NRG3: variants seen among roughly 807,000 people sequenced by gnomAD.
The protein encoded by NRG3 is neuregulin 3.
In NRG3, 31 loss-of-function variants were observed where a neutral mutation model predicts 66.9. The ratio of observed to expected loss-of-function variants is 0.46; its 90% CI spans 0.35 to 0.63. NRG3 has a LOEUF of 0.63. Among genes scored for constraint, NRG3 ranks in the 20% least tolerant of loss-of-function variants. The pLI is 0.00. For synonymous variants in NRG3, 393 were observed against 359.4 expected, an observed-to-expected ratio of 1.09 and a Z score of -1.06; for missense variants, 910 against 878.9, an observed-to-expected ratio of 1.04 and a Z score of -0.45.
intron 1 of NRG3, among the ~76,000 whole-genome samples, chr10:82,211,073 A>G (rs1333547732): frequency 6.6e-6 from 1 of 152,184 alleles, no homozygotes; most frequent in Non-Finnish European, 1.5e-5. Flanking sequence ...GTTAATATTT[A>G]TTGGATTCCT....
At chr10:82,906,927 A>G (rs1844787695) in intron 4 of NRG3, among the ~76,000 whole-genome samples, 1 of 152,240 alleles carries the variant, frequency 6.6e-6, no homozygotes, top group African/African-American at 2.4e-5. Context: ...ATAAGGAAAT[A>G]AAGAATGGCT....
chr10:81,954,610 A>T (rs925936804), intron 1 of NRG3, among the ~76,000 whole-genome samples: 8 of 152,132 alleles, frequency 5.3e-5, no homozygotes, highest in Non-Finnish European at 8.8e-5. Context: ...GCTCCAAATC[A>T]GTCTGCTGCT....
rs2059604594 is a variant in NRG3, at chr10:81,963,380, G to A, written c.823+87217G>A. Among the ~76,000 whole-genome samples, 6 of 150,194 alleles carry A rather than the reference G, an allele frequency of 4.0e-5. No individual in the cohort carries two copies. In the South Asian group the frequency reaches 1.1e-3, roughly 26 times the overall value. On this transcript the variant is annotated intron_variant, in intron 1 of 8. Coordinates refer to ENST00000372141, the MANE Select transcript of NRG3 (RefSeq NM_001010848.4). Reference sequence around the variant, plus strand: ...GATCTCCTGACCTCGTGATCCGCCCGCCTCGGCCTCCCAAAGTGCTGGGAT... The same window carrying A: ...GATCTCCTGACCTCGTGATCCGCCCACCTCGGCCTCCCAAAGTGCTGGGAT...
rs578084916 is a variant in NRG3, at chr10:82,612,284, TCTTC to T, written c.954-126287_954-126284del. Among the ~76,000 whole-genome samples, 47 of 152,170 alleles carry T rather than the reference TCTTC, an allele frequency of 3.1e-4. 1 individual carries two copies. Among genetic ancestry groups the T allele is most frequent in the Non-Finnish European group, 7.4e-5 (5 of 68,024 alleles). ...ATTCTTAACGTTGTATGTCTTCCTT[TCTTC>T]CTTCCATCTTGCCTTCCTTCCCTCA... On this transcript the variant is annotated intron_variant, in intron 2 of 8. Transcript: ENST00000372141.
At chr10:82,161,179 G>A (rs1649952) in intron 1 of NRG3, among the ~76,000 whole-genome samples, 99,551 of 151,974 alleles carry the variant, frequency 0.66, 35,339 homozygotes, top group Non-Finnish European at 0.79. Flanking sequence ...AAGCCATTGA[G>A]CCTGGAGCCC....
intron 1 of NRG3, among the ~76,000 whole-genome samples, chr10:81,952,130 T>C (rs954346239): frequency 1.3e-5 from 2 of 152,120 alleles, no homozygotes; most frequent in Admixed American, 1.3e-4. Flanking sequence ...TTAGGAGATA[T>C]ACCTAATGTT....
At chr10:81,918,260 G>C (rs559109293) in intron 1 of NRG3, among the ~76,000 whole-genome samples, 1 of 152,204 alleles carries the variant, frequency 6.6e-6, no homozygotes, top group South Asian at 2.1e-4. Context: ...TGCATTTGTT[G>C]TATTTGGAAT....
At chr10:82,398,491 A>ATGTGTG (rs1164444421) in intron 2 of NRG3, among the ~76,000 whole-genome samples, 11 of 139,198 alleles carry the variant, frequency 7.9e-5, no homozygotes, top group East Asian at 2.1e-4. Context: ...GGCTTCGTGT[A>ATGTGTG]TGTGTGTGTG....
At chr10:82,361,385 G>C (rs573440651) in intron 2 of NRG3, among the ~76,000 whole-genome samples, 1 of 152,134 alleles carries the variant, frequency 6.6e-6, no homozygotes, top group Non-Finnish European at 1.5e-5. Flanking sequence ...TCTCCTACTG[G>C]TGTGTATGAA....
intron 3 of NRG3, among the ~76,000 whole-genome samples, chr10:82,806,402 G>C (rs2061284226): frequency 6.6e-6 from 1 of 152,080 alleles, no homozygotes; most frequent in African/African-American, 2.4e-5. Flanking sequence ...AGTTTTTGCT[G>C]TTTTTATAAA....
intron 2 of NRG3, among the ~76,000 whole-genome samples, chr10:82,512,250 A>G (rs911726516): frequency 2.6e-5 from 4 of 151,482 alleles, no homozygotes; most frequent in Admixed American, 2.0e-4. Context: ...ACATATACAC[A>G]TTCCATACAC....
chr10:82,332,937 A>G (rs1564805156), intron 1 of NRG3, among the ~76,000 whole-genome samples: 1 of 152,154 alleles, frequency 6.6e-6, no homozygotes, highest in Non-Finnish European at 1.5e-5. Context: ...CAATATCCTC[A>G]CCCTAACAAA....
intron 1 of NRG3, among the ~76,000 whole-genome samples, chr10:82,231,336 C>A (rs948201303): frequency 1.3e-5 from 2 of 151,604 alleles, no homozygotes; most frequent in African/African-American, 4.9e-5. Context: ...GTGACAAGAG[C>A]GAGACTCCGT....
At chr10:82,468,485 A>G (rs1224825994) in intron 2 of NRG3, among the ~76,000 whole-genome samples, 1 of 151,972 alleles carries the variant, frequency 6.6e-6, no homozygotes, top group Non-Finnish European at 1.5e-5. Context: ...ATTTTAAAAA[A>G]CAGTTATCAC....
intron 1 of NRG3, among the ~76,000 whole-genome samples, chr10:82,053,132 TA>T (rs1340497864): frequency 2.1e-5 from 3 of 141,316 alleles, no homozygotes; most frequent in Admixed American, 7.1e-5. Flanking sequence ...TTCATTTGAT[TA>T]TTTTTTTTTT....
chr10:82,868,732 G>A (rs914446873), intron 4 of NRG3, among the ~76,000 whole-genome samples: 1 of 152,028 alleles, frequency 6.6e-6, no homozygotes, highest in Admixed American at 6.6e-5. Flanking sequence ...TCACTGTATT[G>A]CCCAGGCTGG....
intron 3 of NRG3, among the ~76,000 whole-genome samples, chr10:82,782,227 G>A (rs1424544970): frequency 6.6e-6 from 1 of 152,136 alleles, no homozygotes; most frequent in Non-Finnish European, 1.5e-5. Flanking sequence ...CTTACAAATA[G>A]ATTAATGCAG....
chr10:81,936,843 A>G (rs982245), intron 1 of NRG3, among the ~76,000 whole-genome samples: 53,431 of 151,912 alleles, frequency 0.35, 11,003 homozygotes, highest in East Asian at 0.82. Flanking sequence ...TGTTTAAAAA[A>G]TTATTATAAA....
intron 1 of NRG3, among the ~76,000 whole-genome samples, chr10:82,103,530 C>G (rs1191064056): frequency 2.0e-5 from 3 of 152,204 alleles, no homozygotes; most frequent in East Asian, 1.9e-4. Flanking sequence ...AAAAATACAT[C>G]ACTCTTCTGT....
Sources: gnomAD v4.1 joint callset for allele counts (sites outside exome capture counted in the v4.1 genomes callset) on GRCh38, gnomAD v4.1.1 for gene constraint, MANE v1.5 for transcripts, NCBI Gene and HGNC (gene_info 2026-07-23, HGNC 2026-07-21) for gene names.